The following VPS54 variants were observed in gnomAD, a reference collection of about 807,000 sequenced individuals.
The protein encoded by VPS54 is vacuolar protein sorting-associated protein 54.
In VPS54, 45 loss-of-function variants were observed where a neutral mutation model predicts 121.5. The ratio of observed to expected loss-of-function variants is 0.37; its 90% CI spans 0.29 to 0.47. The LOEUF (loss-of-function observed/expected upper bound fraction) is 0.47. VPS54 is among the 20% of genes least tolerant of loss of function. The pLI is 0.99. For missense variants in VPS54, 1,090 were observed against 1,131.4 expected (o/e 0.96, Z 0.52); for synonymous variants, 371 against 385.8 (o/e 0.96, Z 0.45).
At chr2:63,935,231 G>C (rs2104490006) in intron 11 of VPS54, among the ~76,000 whole-genome samples, 1 of 152,210 alleles carries the variant, frequency 6.6e-6, no homozygotes, top group South Asian at 2.1e-4. Flanking sequence ...CCTCTTAACT[G>C]TTTGAGACCC....
chr2:63,913,872 A>G, intron 17 of VPS54: 1 of 1,111,450 alleles, frequency 9.0e-7, no homozygotes, highest in African/African-American at 1.7e-5. Context: ...TTCCATGCAC[A>G]TTTGAAGCCA....
At chr2:64,006,816 G>A (rs954963771) in intron 1 of VPS54, among the ~76,000 whole-genome samples, 3 of 151,864 alleles carry the variant, frequency 2.0e-5, no homozygotes, top group Non-Finnish European at 4.4e-5. Context: ...ACAGGGTTTC[G>A]CCATATTGGT....
At position 63,927,997 on chromosome 2, in the gene VPS54, G is replaced by T. The variant is rs186267013; in HGVS notation, c.1739+5676C>A. On this transcript the variant is annotated intron_variant, in intron 12 of 22. Transcript: ENST00000272322. ...GAAAAGAAATGAATAAAGCCTCCAA[G>T]AAATATGGGACTATGTGAAAAGACC... Among the ~76,000 whole-genome samples the T allele has an allele frequency of 2.6e-5, 4 of 152,312 alleles. No individual in the cohort carries two copies. In the East Asian group the frequency reaches 7.7e-4, roughly 29 times the overall value.
chr2:63,984,364 G>A (rs992685013), intron 1 of VPS54, among the ~76,000 whole-genome samples: 6 of 152,326 alleles, frequency 3.9e-5, no homozygotes, highest in African/African-American at 1.4e-4. Flanking sequence ...CATGGGTTTT[G>A]AAGTATCCCT....
At chr2:63,909,643 C>T (rs1457007897) in intron 20 of VPS54, among the ~76,000 whole-genome samples, 5 of 143,356 alleles carry the variant, frequency 3.5e-5, no homozygotes, top group East Asian at 3.9e-4. Context: ...TGGTCTTGAA[C>T]TCCTGACCTC....
At chr2:63,951,387 G>A in intron 7 of VPS54, among the ~76,000 whole-genome samples, 1 of 151,936 alleles carries the variant, frequency 6.6e-6, no homozygotes, top group East Asian at 1.9e-4. Flanking sequence ...AAGGTGTATA[G>A]TATGTATTAA....
chr2:63,908,249 C>T (rs930103229), intron 20 of VPS54, among the ~76,000 whole-genome samples: 5 of 151,978 alleles, frequency 3.3e-5, no homozygotes, highest in African/African-American at 7.2e-5. Flanking sequence ...ACGGAACAAA[C>T]CACTGACACA....
intron 4 of VPS54, 37 bp downstream of exon 4, chr2:63,972,129 C>A: frequency 7.6e-7 from 1 of 1,323,342 alleles, no homozygotes; most frequent in Non-Finnish European, 1.0e-6. Context: ...AATATTTATG[C>A]TATGCTTTAT....
chr2:63,945,570 G>T (rs1674941257), intron 9 of VPS54, among the ~76,000 whole-genome samples: 2 of 151,984 alleles, frequency 1.3e-5, no homozygotes, highest in Admixed American at 1.3e-4. Context: ...GCTCTTACTG[G>T]CTACAATAAT....
intron 7 of VPS54, among the ~76,000 whole-genome samples, chr2:63,952,820 G>A (rs1044707226): frequency 6.6e-6 from 1 of 152,100 alleles, no homozygotes; most frequent in African/African-American, 2.4e-5. Context: ...CAAAATCACA[G>A]AGGAATTTTG....
chr2:63,974,788 T>C (rs1243526828), intron 3 of VPS54, among the ~76,000 whole-genome samples: 1 of 152,224 alleles, frequency 6.6e-6, no homozygotes, highest in Non-Finnish European at 1.5e-5. Context: ...CCTTGTATCT[T>C]GCAAGCTTAC....
chr2:63,954,325 AG>A (rs202235272), intron 7 of VPS54, among the ~76,000 whole-genome samples: 1,598 of 152,274 alleles, frequency 0.01, 24 homozygotes, highest in African/African-American at 0.037. Flanking sequence ...AAAATTAAAA[AG>A]AAAGAACTTA....
At chr2:63,909,127 G>A (rs1673024601) in intron 20 of VPS54, among the ~76,000 whole-genome samples, 1 of 152,072 alleles carries the variant, frequency 6.6e-6, no homozygotes, top group African/African-American at 2.4e-5. Context: ...AGCCTTAAAA[G>A]CTCCAGCACT....
chr2:63,908,282 A>C (rs1352690082), intron 20 of VPS54, among the ~76,000 whole-genome samples: 1 of 152,158 alleles, frequency 6.6e-6, no homozygotes, highest in East Asian at 1.9e-4. Context: ...CATGAACTCC[A>C]AAAACATTAT....
chr2:64,017,281 G>A (rs1678749804), intron 1 of VPS54, among the ~76,000 whole-genome samples: 2 of 149,446 alleles, frequency 1.3e-5, no homozygotes, highest in Admixed American at 6.7e-5. Context: ...AGGTTGCGGT[G>A]AGCCAAGATA....
At chr2:63,965,596 C>A (rs1381848693) in intron 6 of VPS54, among the ~76,000 whole-genome samples, 2 of 152,202 alleles carry the variant, frequency 1.3e-5, no homozygotes, top group Non-Finnish European at 2.9e-5. Context: ...CCATCAACTG[C>A]TCTTTCAGGT....
intron 20 of VPS54, among the ~76,000 whole-genome samples, chr2:63,906,404 T>TA (rs201372106): frequency 5.3e-5 from 8 of 152,212 alleles, no homozygotes; most frequent in South Asian, 2.1e-4. Context: ...ACGTAAATCT[T>TA]AAAAAAAGAT....
At chr2:63,928,981 T>C (rs531529578) in intron 12 of VPS54, among the ~76,000 whole-genome samples, 2 of 152,004 alleles carry the variant, frequency 1.3e-5, no homozygotes, top group African/African-American at 4.8e-5. Context: ...ATCCTAAATA[T>C]ATATACAACC....
At chr2:63,921,420 A>G in intron 12 of VPS54, 85 bp from the exon 13 acceptor site, 2 of 1,437,330 alleles carry the variant, frequency 1.4e-6, no homozygotes, top group South Asian at 1.5e-5. Flanking sequence ...AAAGGATGAA[A>G]AAGCTGTAAA....
Sources: gnomAD v4.1 joint callset for allele counts (sites outside exome capture counted in the v4.1 genomes callset) on GRCh38, gnomAD v4.1.1 for gene constraint, MANE v1.5 for transcripts, NCBI Gene and HGNC (gene_info 2026-07-23, HGNC 2026-07-21) for gene names.